ZNF229: variants seen among roughly 807,000 people sequenced by gnomAD.
ZNF229 encodes the protein zinc finger protein 229.
Under a neutral mutation model 11.8 loss-of-function variants are expected in ZNF229, and 10 were observed. The ratio of observed to expected loss-of-function variants is 0.85; its 90% CI spans 0.52 to 1.44. ZNF229 has a LOEUF of 1.44. Ranked by LOEUF, ZNF229 falls within the 40% of genes most tolerant of loss-of-function variation. ZNF229 has a pLI of 0.00. For missense variants in ZNF229, 1,045 were observed against 1,015.1 expected (o/e 1.03, Z -0.40); for synonymous variants, 368 against 374.8 (o/e 0.98, Z 0.21).
Position 44,427,523 on chromosome 19 carries a change from T to G in ZNF229, c.*780A>C, listed in dbSNP as rs1055435111. The G allele has an allele frequency of 6.6e-6, 1 of 151,494 alleles. No individual in the cohort carries two copies. The highest frequency in any genetic ancestry group is 1.5e-5 in the Non-Finnish European group (1 of 67,926). The allele number at this position is 151,494 out of a possible 1,614,324, so 9.4% of individuals were successfully genotyped here. A position where few individuals can be genotyped will look rare whatever the true frequency, so the allele number is the denominator to read the frequency against. The stretch of plus-strand genomic sequence containing the variant: ...TAAAAAAAAAGTCATTTTTTTAAAG[T>G]GAAAAAAAATCAGCATTTCAAAGAC... On this transcript the variant is annotated 3_prime_UTR_variant, in exon 6 of 6. Coordinates refer to ENST00000614049, the MANE Select transcript of ZNF229 (RefSeq NM_014518.4).
At chr19:44,432,493 G>T in intron 4 of ZNF229, 127 bp from the exon 5 acceptor site, 2 of 1,325,082 alleles carry the variant, frequency 1.5e-6, no homozygotes, top group South Asian at 2.8e-5. Context: ...TATACACCAT[G>T]GAATACTATG....
rs1971633440 is a variant in ZNF229 at position 44,428,693 on chromosome 19, G to A, written c.2088C>T (p.Gly696=). The A allele has an allele frequency of 6.2e-7, 1 of 1,613,670 alleles. No individual in the cohort carries two copies. Among genetic ancestry groups the A allele is most frequent in the Non-Finnish European group, 8.5e-7 (1 of 1,179,976 alleles). Residue 696 remains glycine, a synonymous_variant, in exon 6 of 6, where the codon GGC becomes GGT. Coordinates refer to ENST00000614049, the MANE Select transcript of ZNF229 (RefSeq NM_014518.4). ...CDQCGKGFSY[G]SNLRTHQRLH... Reference sequence around the variant, plus strand: ...ACCTCTGGTGGGTGCGAAGATTAGAGCCATAACTGAATCCCTTGCCACACT... The same window carrying A: ...ACCTCTGGTGGGTGCGAAGATTAGAACCATAACTGAATCCCTTGCCACACT...
In ZNF229 at chr19:44,439,109, T is replaced by C. The variant is rs542380683; in HGVS notation, c.93+3454A>G. Among the ~76,000 whole-genome samples the C allele has an allele frequency of 2.6e-5, 4 of 152,238 alleles. 1 individual carries two copies. Among genetic ancestry groups the C allele is most frequent in the Admixed American group, 6.5e-5 (1 of 15,300 alleles). On this transcript the variant is annotated intron_variant, in intron 4 of 5. Transcript: ENST00000614049. ...TACCTCCGGGCAGACAGTGTCAGAA[T>C]TGAACCGAAGGGCACCCAGCAAAAC... is the stretch of plus-strand genomic sequence containing the variant.
At position 44,438,351 on chromosome 19, in the gene ZNF229, C is replaced by T. The variant is rs558068264; in HGVS notation, c.93+4212G>A. ...AAAATGGGGCATCTTTGCCACATAT[C>T]CTCCATCAGATGAGCAAAAATATTT... On this transcript the variant is annotated intron_variant, in intron 4 of 5. Coordinates refer to ENST00000614049, the MANE Select transcript of ZNF229 (RefSeq NM_014518.4). Among the ~76,000 whole-genome samples, 449 of 152,326 alleles carry T rather than the reference C, an allele frequency of 2.9e-3. 3 individuals carry two copies. The highest frequency in any genetic ancestry group is 9.9e-3 in the African/African-American group (410 of 41,572).
chr19:44,438,003 A>T (rs2123365627), intron 4 of ZNF229, among the ~76,000 whole-genome samples: 1 of 152,314 alleles, frequency 6.6e-6, no homozygotes, highest in South Asian at 2.1e-4. Context: ...GATCAGGAAA[A>T]ATAAATAATA....
intron 2 of ZNF229, among the ~76,000 whole-genome samples, chr19:44,445,213 C>T (rs553890385): frequency 9.8e-5 from 15 of 152,342 alleles, no homozygotes; most frequent in Non-Finnish European, 1.8e-4. Context: ...CCACCGTCCA[C>T]ACCATCATGT....
Position 44,442,867 on chromosome 19 carries a change from T to C in ZNF229, c.-20A>G, listed in dbSNP as rs1971939897. On this transcript the variant is annotated 5_prime_UTR_variant, in exon 3 of 6. Transcript: ENST00000614049. The stretch of plus-strand genomic sequence containing the variant: ...CTCCATGGTCTCTTCTGCTAGGTTC[T>C]CTGCGAGCAGCAGCAACTGTATTTA... 1.2e-6 allele frequency: 2 copies of C among 1,613,426 alleles called. No homozygotes were observed. Among genetic ancestry groups the C allele is most frequent in the Non-Finnish European group, 8.5e-7 (1 of 1,179,712 alleles).
chr19:44,439,024 T>A (rs1462893026), intron 4 of ZNF229, among the ~76,000 whole-genome samples: 1 of 152,176 alleles, frequency 6.6e-6, no homozygotes, highest in African/African-American at 2.4e-5. Flanking sequence ...AACTTGCAAC[T>A]GGTGGGAGGG....
chr19:44,429,627 G>A lies in ZNF229; in HGVS notation c.1154C>T (p.Ala385Val). The A allele has an allele frequency of 6.2e-7, 1 of 1,613,726 alleles. No homozygotes were observed. The highest frequency in any genetic ancestry group is 8.5e-7 in the Non-Finnish European group (1 of 1,179,918). Residue 385 changes from alanine (A) to valine (V), a missense_variant, in exon 6 of 6, where the codon GCA (alanine) becomes GTA (valine). Ala to Val is a moderately conservative substitution (Grantham distance 64). Coordinates refer to ENST00000614049, the MANE Select transcript of ZNF229 (RefSeq NM_014518.4). ...RPYKCEECGK[A>V]FGRSSNLLVH... ...AAGCAGGTTTGAACTTCGACCAAAT[G>A]CCTTCCCACACTCCTCACATTTATA...
rs374854876 is a variant in ZNF229 at position 44,429,537 on chromosome 19, C to G, written c.1244G>C (p.Ser415Thr). ...ATGGACTTGAAGCACTGAGCTGTAA[C>G]TGAAGCCCTTCCCACACTCGCTGCA... ...YKCSECGKGF[S>T]YSSVLQVHQR... Residue 415 changes from serine to threonine, a missense_variant, in exon 6 of 6, where the codon AGT becomes ACT. Transcript: ENST00000614049. 2 of 1,612,106 alleles carry G rather than the reference C, an allele frequency of 1.2e-6. No homozygotes were observed. The highest frequency in any genetic ancestry group is 1.7e-6 in the Non-Finnish European group (2 of 1,178,592).
intron 4 of ZNF229, 77 bp from the exon 5 acceptor site, chr19:44,432,443 T>TA: frequency 1.3e-6 from 2 of 1,562,594 alleles, no homozygotes; most frequent in East Asian, 2.3e-5. Flanking sequence ...TTTATAGAAA[T>TA]AAAAAAATTT....
intron 2 of ZNF229, 61 bp from the exon 3 acceptor site, chr19:44,443,085 A>C: frequency 1.7e-6 from 1 of 593,008 alleles, no homozygotes; most frequent in Non-Finnish European, 3.0e-6. Context: ...GCTGTGGTTC[A>C]CATCCCCTGG....
intron 4 of ZNF229, among the ~76,000 whole-genome samples, chr19:44,436,522 G>A (rs965250811): frequency 7.9e-5 from 12 of 152,038 alleles, no homozygotes; most frequent in African/African-American, 2.4e-4. Context: ...GGCTCCTGCC[G>A]GTCATCCCAG....
intron 4 of ZNF229, among the ~76,000 whole-genome samples, chr19:44,438,428 T>C (rs768382441): frequency 6.6e-6 from 1 of 152,228 alleles, no homozygotes; most frequent in African/African-American, 2.4e-5. Context: ...AAAATTGCTA[T>C]GATTTCTTCT....
intron 4 of ZNF229, among the ~76,000 whole-genome samples, chr19:44,434,197 A>G (rs1971773101): frequency 6.6e-6 from 1 of 152,182 alleles, no homozygotes; most frequent in South Asian, 2.1e-4. Context: ...CAGTTCCAAC[A>G]GTGCCTAGTT....
At chr19:44,436,835 G>A (rs1165017307) in intron 4 of ZNF229, among the ~76,000 whole-genome samples, 1 of 152,098 alleles carries the variant, frequency 6.6e-6, no homozygotes, top group African/African-American at 2.4e-5. Context: ...GAATGCAGGA[G>A]CAGTCAGGTC....
rs780748200 is a variant in ZNF229, at chr19:44,432,379, A to G, written c.94-13T>C. On this transcript the variant is annotated splice_polypyrimidine_tract_variant and intron_variant, in intron 4 of 5. Coordinates refer to ENST00000614049, the MANE Select transcript of ZNF229 (RefSeq NM_014518.4). ...AGCTCAATGGCTCCTAAAATGAAAA[A>G]CCATTAACACAAACATCTACTAGAT... 3.1e-6 allele frequency: 5 copies of G among 1,612,106 alleles called. No homozygotes were observed. Among genetic ancestry groups the G allele is most frequent in the Non-Finnish European group, 4.2e-6 (5 of 1,179,542 alleles).
intron 4 of ZNF229, among the ~76,000 whole-genome samples, chr19:44,438,221 G>C (rs1971847754): frequency 6.6e-6 from 1 of 152,018 alleles, no homozygotes; most frequent in Non-Finnish European, 1.5e-5. Flanking sequence ...TGAGAAAATA[G>C]GCAAAAGTAT....
rs1971592403 is a variant in ZNF229, at chr19:44,427,241, C to CA, written c.*1061_*1062insT. 1 of 126,228 alleles carries CA rather than the reference C, an allele frequency of 7.9e-6. No homozygotes were observed. The highest frequency in any genetic ancestry group is 2.6e-4 in the East Asian group (1 of 3,880). The allele number at this position is 126,228 out of a possible 1,614,324, so 7.8% of individuals were successfully genotyped here. On this transcript the variant is annotated 3_prime_UTR_variant, in exon 6 of 6. Transcript: ENST00000614049. ...ACCATATCAGACTGTTTCTACAACCCCCCCCCCCGCCCCCACTGATGGGGG... is the reference window on the plus strand; with the variant it reads ...ACCATATCAGACTGTTTCTACAACCCACCCCCCCCGCCCCCACTGATGGGGG...
Sources: allele counts gnomAD v4.1 joint callset (sites outside exome capture counted in the v4.1 genomes callset), GRCh38; gene constraint gnomAD v4.1.1; transcripts MANE v1.5; gene names NCBI Gene and HGNC (gene_info 2026-07-23, HGNC 2026-07-21).